Variants in FSHR observed in about 807,000 individuals in gnomAD.
FSHR encodes the protein follicle-stimulating hormone receptor.
A neutral mutation model predicts 52.1 loss-of-function variants in FSHR; 46 were observed. The ratio of observed to expected loss-of-function variants is 0.88; its 90% confidence interval spans 0.70 to 1.13. The LOEUF (loss-of-function observed/expected upper bound fraction) is 1.13, where lower values mean the gene tolerates loss of function less well. FSHR is among the 50% of genes most tolerant of loss of function. The pLI is 0.00. For missense variants in FSHR, 964 were observed against 834.6 expected, an observed-to-expected ratio of 1.16 and a Z score of -1.91; for synonymous variants, 399 against 309.6, an observed-to-expected ratio of 1.29 and a Z score of -3.03.
chr2:49,116,594 G>T (rs1319603806), intron 1 of FSHR, among the ~76,000 whole-genome samples: 1 of 152,184 alleles, frequency 6.6e-6, no homozygotes, highest in East Asian at 1.9e-4. Flanking sequence ...ACATGGCTAA[G>T]TACTTGATAA....
chr2:49,106,118 T>C lies in FSHR; in HGVS notation c.153-37828A>G, dbSNP rs1671210880. Among the ~76,000 whole-genome samples, 3 of 152,064 alleles carry C rather than the reference T, an allele frequency of 2.0e-5. No individual in the cohort carries two copies. The South Asian group carries it at 6.2e-4, about 32-fold the overall frequency. ...CAACTTTCAAGTGCAATGTCAGGAG[T>C]ATGAAGAGAAGACTCTCTACCTGCC... is the stretch of plus-strand genomic sequence containing the variant. On this transcript the variant is annotated intron_variant, in intron 1 of 9. Coordinates refer to ENST00000406846, the MANE Select transcript of FSHR (RefSeq NM_000145.4).
chr2:49,135,537 T>C (rs10432668), intron 1 of FSHR, among the ~76,000 whole-genome samples: 34,012 of 151,952 alleles, frequency 0.22, 4,379 homozygotes, highest in African/African-American at 0.37. Context: ...AACCCAACCT[T>C]CATCATAAGA....
intron 4 of FSHR, among the ~76,000 whole-genome samples, chr2:49,009,347 C>T (rs553928790): frequency 2.0e-5 from 3 of 151,850 alleles, no homozygotes; most frequent in East Asian, 1.9e-4. Context: ...AGATATGCAG[C>T]GTTATTTCTG....
chr2:49,149,521 G>T (rs926472882), intron 1 of FSHR, among the ~76,000 whole-genome samples: 1 of 152,072 alleles, frequency 6.6e-6, no homozygotes, highest in Non-Finnish European at 1.5e-5. Flanking sequence ...TCTGTGGAAT[G>T]TTAATCCTCA....
At chr2:49,154,228 C>T in intron 1 of FSHR, 38 bp downstream of exon 1, 1 of 1,604,800 alleles carries the variant, frequency 6.2e-7, no homozygotes, top group South Asian at 1.1e-5. Flanking sequence ...TGCACAAATG[C>T]CAGCCATGCA....
intron 2 of FSHR, among the ~76,000 whole-genome samples, chr2:49,047,226 C>G (rs1439316712): frequency 6.6e-6 from 1 of 152,182 alleles, no homozygotes; most frequent in East Asian, 1.9e-4. Context: ...TACATCTCAA[C>G]TGTCTTAACT....
intron 9 of FSHR, among the ~76,000 whole-genome samples, chr2:48,966,810 T>A (rs1303606506): frequency 6.6e-6 from 1 of 152,240 alleles, no homozygotes; most frequent in African/African-American, 2.4e-5. Flanking sequence ...TTACTCCATT[T>A]TGGCATGTAG....
chr2:49,092,638 G>A (rs1250840343), intron 1 of FSHR, among the ~76,000 whole-genome samples: 1 of 151,854 alleles, frequency 6.6e-6, no homozygotes, highest in Non-Finnish European at 1.5e-5. Flanking sequence ...TATAGTGTTT[G>A]CTTTTGAATT....
rs1472229763 is a variant in FSHR at position 49,017,512 on chromosome 2, C to T, written c.351G>A (p.Gln117=). The change falls in exon 4 of 10, where the codon CAG becomes CAA. Residue 117 remains glutamine, a synonymous_variant. Coordinates refer to ENST00000406846, the MANE Select transcript of FSHR (RefSeq NM_000145.4). The part of the protein sequence containing the change: ...NLLYINPEAF[Q]NLPNLQYLLI... ...ACAGATATTGAAGGTTGGGAAGGTT[C>T]TGGAAGGCCTCAGGGTTGATGTAGA... The T allele has an allele frequency of 3.1e-6, 5 of 1,613,376 alleles. No individual in the cohort carries two copies. The highest frequency in any genetic ancestry group is 4.2e-6 in the Non-Finnish European group (5 of 1,179,564).
At chr2:49,078,203 G>A (rs1341858524) in intron 1 of FSHR, among the ~76,000 whole-genome samples, 1 of 152,204 alleles carries the variant, frequency 6.6e-6, no homozygotes, top group Non-Finnish European at 1.5e-5. Flanking sequence ...AATCATGGTG[G>A]AAAGCAAGGA....
At chr2:49,111,265 C>T (rs17038250) in intron 1 of FSHR, among the ~76,000 whole-genome samples, 1,585 of 152,216 alleles carry the variant, frequency 0.01, 20 homozygotes, top group African/African-American at 0.037. Flanking sequence ...AACTGTTCTG[C>T]CTCCTGAGCT....
At position 49,154,408 on chromosome 2, in the gene FSHR, G is replaced by A. The variant is rs754449208; in HGVS notation, c.10C>T (p.Leu4Phe). ...AGGAATGCCAGCAAAGAGACCAGGA[G>A]CAGGGCCATAATTATGCATCCATCC... is the stretch of plus-strand genomic sequence containing the variant. MAL[L>F]LVSLLAFLSL... Residue 4 changes from leucine to phenylalanine, a missense_variant, in exon 1 of 10, where the codon CTC (leucine) becomes TTC (phenylalanine). Physicochemically the swap from Leu to Phe is conservative, Grantham distance 22. Coordinates refer to ENST00000406846, the MANE Select transcript of FSHR (RefSeq NM_000145.4). 9.3e-6 allele frequency: 15 copies of A among 1,612,410 alleles called. No homozygotes were observed. The African/African-American group carries it at 1.6e-4, about 17-fold the overall frequency.
At chr2:49,115,902 G>A (rs1345644036) in intron 1 of FSHR, among the ~76,000 whole-genome samples, 1 of 152,146 alleles carries the variant, frequency 6.6e-6, no homozygotes, top group East Asian at 1.9e-4. Context: ...ATAAGTGAAG[G>A]GTGGGTTATT....
chr2:49,108,206 C>T lies in FSHR; in HGVS notation c.153-39916G>A, dbSNP rs78318775. 3.7e-4 allele frequency among the ~76,000 whole-genome samples: 56 copies of T among 152,258 alleles called. No individual in the cohort carries two copies. In the East Asian group the frequency reaches 7.7e-3, roughly 21 times the overall value. On this transcript the variant is annotated intron_variant, in intron 1 of 9. Transcript: ENST00000406846. ...TCTCTTAACTTTTAACTGAGATTTA[C>T]ACCATCGAATCCCCTGCTTCTCAGG...
intron 4 of FSHR, among the ~76,000 whole-genome samples, chr2:48,994,142 C>T (rs1005508089): frequency 6.6e-6 from 1 of 152,096 alleles, no homozygotes. Context: ...AGGTAATGTG[C>T]TATGTTTTGT....
chr2:49,096,079 A>T (rs1264895767), intron 1 of FSHR, among the ~76,000 whole-genome samples: 1 of 152,200 alleles, frequency 6.6e-6, no homozygotes, highest in Admixed American at 6.6e-5. Context: ...AAAGTTAAAC[A>T]TTGAGTTCCC....
At chr2:49,139,133 C>T (rs534016329) in intron 1 of FSHR, among the ~76,000 whole-genome samples, 6 of 152,326 alleles carry the variant, frequency 3.9e-5, no homozygotes. Flanking sequence ...GTCTCAAGCT[C>T]ATCTGGCAAT....
At chr2:49,149,662 A>G (rs1302790921) in intron 1 of FSHR, among the ~76,000 whole-genome samples, 5 of 152,118 alleles carry the variant, frequency 3.3e-5, no homozygotes, top group Non-Finnish European at 7.4e-5. Flanking sequence ...CTCTGAACTA[A>G]GGACCTATTA....
intron 4 of FSHR, among the ~76,000 whole-genome samples, chr2:49,007,413 G>A (rs1311541086): frequency 6.6e-6 from 1 of 152,114 alleles, no homozygotes; most frequent in Non-Finnish European, 1.5e-5. Flanking sequence ...AAAATGGGAA[G>A]CATTATTCAA....
Sources: gnomAD v4.1 joint callset for allele counts (sites outside exome capture counted in the v4.1 genomes callset) on GRCh38, gnomAD v4.1.1 for gene constraint, MANE v1.5 for transcripts, NCBI Gene and HGNC (gene_info 2026-07-23, HGNC 2026-07-21) for gene names.